Variants in NKAIN2 observed in about 807,000 individuals in gnomAD.
The protein encoded by NKAIN2 is sodium/potassium transporting ATPase interacting 2.
In NKAIN2, 14 loss-of-function variants were observed where a neutral mutation model predicts 32.6. That is an observed-to-expected ratio of 0.43 (90% CI 0.28 to 0.67). The LOEUF is 0.67. NKAIN2 is among the 30% of genes least tolerant of loss of function. The pLI is 0.17. For synonymous variants in NKAIN2, 80 were observed against 87.2 expected, an observed-to-expected ratio of 0.92 and a Z score of 0.46; for missense variants, 198 against 258.3, an observed-to-expected ratio of 0.77 and a Z score of 1.60.
At chr6:124,638,509 C>A (rs552066697) in intron 3 of NKAIN2, among the ~76,000 whole-genome samples, 4 of 152,010 alleles carry the variant, frequency 2.6e-5, no homozygotes, top group Non-Finnish European at 4.4e-5. Flanking sequence ...GTAAACTATT[C>A]GTACAAGAGA....
At chr6:124,633,408 T>G (rs539415986) in intron 3 of NKAIN2, among the ~76,000 whole-genome samples, 2 of 152,158 alleles carry the variant, frequency 1.3e-5, no homozygotes, top group Non-Finnish European at 2.9e-5. Flanking sequence ...CTTGTAATCT[T>G]TAAAATGAAA....
intron 1 of NKAIN2, among the ~76,000 whole-genome samples, chr6:123,911,805 A>ATATATATG (rs1775206797): frequency 1.9e-5 from 2 of 102,688 alleles, no homozygotes; most frequent in Non-Finnish European, 3.7e-5. Flanking sequence ...ATATATGTAT[A>ATATATATG]TATATATACA....
At chr6:124,536,633 C>T (rs72973817) in intron 3 of NKAIN2, among the ~76,000 whole-genome samples, 7,587 of 152,196 alleles carry the variant, frequency 0.05, 248 homozygotes, top group Middle Eastern at 0.13. Flanking sequence ...GAGAATTTAT[C>T]GTAAGGATGC....
chr6:124,606,970 C>T (rs555398744), intron 3 of NKAIN2, among the ~76,000 whole-genome samples: 1 of 152,230 alleles, frequency 6.6e-6, no homozygotes, highest in African/African-American at 2.4e-5. Flanking sequence ...TCAGTAAGGT[C>T]ATTCATCAAT....
At chr6:123,879,678 G>T (rs1773359961) in intron 1 of NKAIN2, among the ~76,000 whole-genome samples, 3 of 152,136 alleles carry the variant, frequency 2.0e-5, no homozygotes, top group South Asian at 2.1e-4. Context: ...CTAAATTGGG[G>T]TACCAGTACC....
chr6:123,904,820 G>A (rs1006955957), intron 1 of NKAIN2, among the ~76,000 whole-genome samples: 1 of 152,186 alleles, frequency 6.6e-6, no homozygotes, highest in East Asian at 1.9e-4. Flanking sequence ...AGCCTAGCTA[G>A]CTGAGCTGGG....
intron 4 of NKAIN2, among the ~76,000 whole-genome samples, chr6:124,772,703 C>T (rs1022387635): frequency 1.3e-5 from 2 of 151,808 alleles, no homozygotes; most frequent in South Asian, 2.1e-4. Context: ...AGTTGTGGAA[C>T]GAATAGAGAA....
chr6:123,919,498 T>C (rs1775648775), intron 1 of NKAIN2, among the ~76,000 whole-genome samples: 1 of 152,152 alleles, frequency 6.6e-6, no homozygotes, highest in Non-Finnish European at 1.5e-5. Context: ...TAATTAGCTG[T>C]TGTTTAATAA....
At chr6:124,415,408 G>A (rs937632659) in intron 3 of NKAIN2, among the ~76,000 whole-genome samples, 1 of 152,206 alleles carries the variant, frequency 6.6e-6, no homozygotes, top group Admixed American at 6.5e-5. Flanking sequence ...ATAAGGCGAG[G>A]CATGGGGGAT....
chr6:124,011,501 C>T (rs12524259), intron 1 of NKAIN2, among the ~76,000 whole-genome samples: 42,636 of 151,312 alleles, frequency 0.28, 6,235 homozygotes, highest in East Asian at 0.39. Flanking sequence ...AAATCATTAC[C>T]TTCCTTCCTA....
chr6:123,966,132 A>C (rs1203393519), intron 1 of NKAIN2, among the ~76,000 whole-genome samples: 1 of 152,194 alleles, frequency 6.6e-6, no homozygotes, highest in East Asian at 1.9e-4. Context: ...TGGAACTGCC[A>C]GGACGATGGT....
At chr6:124,268,531 GA>G (rs551543592) in intron 1 of NKAIN2, among the ~76,000 whole-genome samples, 5 of 151,520 alleles carry the variant, frequency 3.3e-5, no homozygotes, top group Admixed American at 1.3e-4. Flanking sequence ...ATGTGAAGTA[GA>G]AAAAAAACTC....
chr6:124,423,893 T>C (rs1774863284), intron 3 of NKAIN2, among the ~76,000 whole-genome samples: 1 of 152,230 alleles, frequency 6.6e-6, no homozygotes, highest in Non-Finnish European at 1.5e-5. Flanking sequence ...AATTTTTTTG[T>C]TCTTTATAAG....
At chr6:124,604,959 A>G (rs1782444219) in intron 3 of NKAIN2, among the ~76,000 whole-genome samples, 1 of 152,032 alleles carries the variant, frequency 6.6e-6, no homozygotes, top group Non-Finnish European at 1.5e-5. Context: ...ACACCCATTA[A>G]TATTTGTCAA....
At chr6:124,743,461 GC>G (rs1297084980) in intron 4 of NKAIN2, among the ~76,000 whole-genome samples, 1 of 151,586 alleles carries the variant, frequency 6.6e-6, no homozygotes, top group East Asian at 2.0e-4. Context: ...TCAATAAATT[GC>G]CATTTATTCT....
intron 4 of NKAIN2, among the ~76,000 whole-genome samples, chr6:124,768,887 C>T (rs965641235): frequency 3.3e-5 from 5 of 152,144 alleles, no homozygotes; most frequent in Admixed American, 2.6e-4. Context: ...CATTTAAAAA[C>T]CCATTTTATA....
At chr6:124,168,996 A>T (rs1788710286) in intron 1 of NKAIN2, among the ~76,000 whole-genome samples, 1 of 152,144 alleles carries the variant, frequency 6.6e-6, no homozygotes, top group Non-Finnish European at 1.5e-5. Flanking sequence ...AAATTCACAA[A>T]ACAAGTAAAA....
chr6:123,862,773 A>G (rs1775835055), intron 1 of NKAIN2, among the ~76,000 whole-genome samples: 1 of 152,126 alleles, frequency 6.6e-6, no homozygotes, highest in Non-Finnish European at 1.5e-5. Flanking sequence ...ATTGTTTTAC[A>G]CTGGACTCTC....
At chr6:124,625,675 G>T (rs1783295173) in intron 3 of NKAIN2, among the ~76,000 whole-genome samples, 1 of 150,492 alleles carries the variant, frequency 6.6e-6, no homozygotes, top group African/African-American at 2.4e-5. Context: ...TTATTTTCAT[G>T]AGCACCTACT....
Sources: allele counts gnomAD v4.1 joint callset (sites outside exome capture counted in the v4.1 genomes callset), GRCh38; gene constraint gnomAD v4.1.1; transcripts MANE v1.5; gene names NCBI Gene and HGNC (gene_info 2026-07-23, HGNC 2026-07-21).